KAZN: variants seen among roughly 807,000 people sequenced by gnomAD.
KAZN encodes kazrin.
KAZN carries 40 observed loss-of-function variants against 87.4 expected under a neutral mutation model. The observed-to-expected ratio is 0.46, with a 90% CI of 0.36 to 0.60. The LOEUF is 0.60. Among genes scored for constraint, KAZN ranks in the 20% least tolerant of loss-of-function variants. KAZN has a pLI of 0.00. For synonymous variants in KAZN, 466 were observed against 458.3 expected (o/e 1.02, Z -0.22); for missense variants, 898 against 1,073.9 (o/e 0.84, Z 2.29).
At chr1:14,469,902 T>C (rs1485829473) in intron 2 of KAZN, among the ~76,000 whole-genome samples, 1 of 152,250 alleles carries the variant, frequency 6.6e-6, no homozygotes, top group Non-Finnish European at 1.5e-5. Context: ...GTGTTGGTTT[T>C]TGGCTTTGAA....
At chr1:14,862,182 C>T (rs1423559067) in intron 1 of KAZN, among the ~76,000 whole-genome samples, 1 of 152,170 alleles carries the variant, frequency 6.6e-6, no homozygotes, top group Admixed American at 6.5e-5. Flanking sequence ...GAGATTCGCA[C>T]AGATCTCAAA....
At chr1:15,043,633 CTTTTTTTTT>C (rs71000361) in intron 3 of KAZN, among the ~76,000 whole-genome samples, 5 of 72,572 alleles carry the variant, frequency 6.9e-5, no homozygotes, top group African/African-American at 2.7e-4. Flanking sequence ...CTCCCCACTT[CTTTTTTTTT>C]TTTTTTTTTT....
At chr1:13,940,767 G>A (rs1640899670) in intron 1 of KAZN, among the ~76,000 whole-genome samples, 1 of 152,104 alleles carries the variant, frequency 6.6e-6, no homozygotes, top group South Asian at 2.1e-4. Context: ...CCCTTACTGG[G>A]ACATTGCTTG....
intron 2 of KAZN, among the ~76,000 whole-genome samples, chr1:14,185,930 T>C (rs1004328009): frequency 6.6e-6 from 1 of 152,180 alleles, no homozygotes; most frequent in Non-Finnish European, 1.5e-5. Context: ...CAGTGTTTGG[T>C]GCGCCAAGAC....
chr1:14,386,550 G>C (rs1033244487), intron 2 of KAZN, among the ~76,000 whole-genome samples: 8 of 151,398 alleles, frequency 5.3e-5, no homozygotes, highest in African/African-American at 1.7e-4. Context: ...CTGTAAAGTA[G>C]TTTATTTCTC....
chr1:14,801,955 A>T (rs549140813), intron 1 of KAZN, among the ~76,000 whole-genome samples: 4 of 151,408 alleles, frequency 2.6e-5, no homozygotes, highest in African/African-American at 9.7e-5. Flanking sequence ...AAGTGCTGGG[A>T]TTACACGCGT....
intron 2 of KAZN, among the ~76,000 whole-genome samples, chr1:14,304,212 T>C (rs1654761518): frequency 6.6e-6 from 1 of 152,248 alleles, no homozygotes; most frequent in East Asian, 1.9e-4. Flanking sequence ...TGCAAAGAGC[T>C]GTCTGGCTGC....
At chr1:14,924,467 C>G (rs1338434147) in intron 1 of KAZN, 5 of 991,312 alleles carry the variant, frequency 5.0e-6, no homozygotes, top group Non-Finnish European at 6.0e-6. Context: ...CGCGCGGCCC[C>G]CGGGACCCGC....
chr1:14,176,873 A>G (rs1036549518), intron 1 of KAZN, among the ~76,000 whole-genome samples: 3 of 152,194 alleles, frequency 2.0e-5, no homozygotes, highest in African/African-American at 7.2e-5. Flanking sequence ...AAGATCTAAA[A>G]CTTAGGTTGT....
chr1:13,953,470 T>C (rs1641429351), intron 1 of KAZN, among the ~76,000 whole-genome samples: 1 of 152,202 alleles, frequency 6.6e-6, no homozygotes, highest in Non-Finnish European at 1.5e-5. Flanking sequence ...TTTGTCTGAT[T>C]AAAGAATTCC....
intron 1 of KAZN, among the ~76,000 whole-genome samples, chr1:14,078,844 C>T (rs1643563269): frequency 6.6e-6 from 1 of 152,180 alleles, no homozygotes; most frequent in Admixed American, 6.5e-5. Context: ...GCCACCACAC[C>T]TGGCTAATTT....
chr1:14,906,469 T>C (rs1009682575), intron 1 of KAZN, among the ~76,000 whole-genome samples: 11 of 151,998 alleles, frequency 7.2e-5, no homozygotes, highest in African/African-American at 2.2e-4. Flanking sequence ...GAAGTTAGCC[T>C]GGGAATCGAG....
intron 2 of KAZN, among the ~76,000 whole-genome samples, chr1:14,469,375 C>G (rs759218176): frequency 7.2e-5 from 11 of 152,202 alleles, no homozygotes; most frequent in Non-Finnish European, 1.0e-4. Context: ...TCCCCACACA[C>G]AGCTAGTGAA....
At chr1:14,415,197 T>C (rs1351145947) in intron 2 of KAZN, among the ~76,000 whole-genome samples, 1 of 152,190 alleles carries the variant, frequency 6.6e-6, no homozygotes, top group African/African-American at 2.4e-5. Flanking sequence ...ATTCTCATTA[T>C]TTTCCTTGTC....
chr1:14,934,895 G>A (rs1020591950), intron 1 of KAZN, among the ~76,000 whole-genome samples: 4 of 152,232 alleles, frequency 2.6e-5, no homozygotes, highest in African/African-American at 7.2e-5. Context: ...CACCATGAGC[G>A]TTCCCTGCTG....
chr1:14,420,644 C>T (rs1175376531), intron 2 of KAZN, among the ~76,000 whole-genome samples: 1 of 152,244 alleles, frequency 6.6e-6, no homozygotes, highest in Admixed American at 6.5e-5. Context: ...TGGAGCCCTG[C>T]CATGCCGGGA....
chr1:14,222,279 G>T (rs996264430), intron 2 of KAZN, among the ~76,000 whole-genome samples: 2 of 152,180 alleles, frequency 1.3e-5, no homozygotes, highest in South Asian at 4.1e-4. Context: ...TCACGGCCAT[G>T]CCCGTGGGGA....
chr1:14,141,117 G>A (rs1056560332), intron 1 of KAZN, among the ~76,000 whole-genome samples: 1 of 151,228 alleles, frequency 6.6e-6, no homozygotes, highest in Non-Finnish European at 1.5e-5. Flanking sequence ...CTGGCAAGCT[G>A]TTTCTAGATC....
chr1:14,172,072 CAGAAATACAAGTTGCTTTAAATTTGT>C (rs1645966823), intron 1 of KAZN, among the ~76,000 whole-genome samples: 1 of 152,192 alleles, frequency 6.6e-6, no homozygotes, highest in Non-Finnish European at 1.5e-5. Flanking sequence ...AAGCCTACTA[CAGAAATACAAGTTGCTTTAAATTTGT>C]AGACCAAAAT....
Sources: allele counts gnomAD v4.1 joint callset (sites outside exome capture counted in the v4.1 genomes callset), GRCh38; gene constraint gnomAD v4.1.1; transcripts MANE v1.5; gene names NCBI Gene and HGNC (gene_info 2026-07-23, HGNC 2026-07-21).